The following L3MBTL4 variants were observed in gnomAD, a reference collection of about 807,000 sequenced individuals.
The protein encoded by L3MBTL4 is lethal(3)malignant brain tumor-like protein 4.
Under a neutral mutation model 84.5 loss-of-function variants are expected in L3MBTL4, and 70 were observed. That is an observed-to-expected ratio of 0.83 (90% CI 0.68 to 1.01). L3MBTL4 has a LOEUF of 1.01. L3MBTL4 is among the 50% of genes least tolerant of loss of function. The pLI is 0.00. For synonymous variants in L3MBTL4, 274 were observed against 259.8 expected, an observed-to-expected ratio of 1.05 and a Z score of -0.52; for missense variants, 715 against 754.8, an observed-to-expected ratio of 0.95 and a Z score of 0.62.
At chr18:6,107,626 G>A (rs2059054095) in intron 14 of L3MBTL4, among the ~76,000 whole-genome samples, 1 of 152,162 alleles carries the variant, frequency 6.6e-6, no homozygotes, top group South Asian at 2.1e-4. Flanking sequence ...GATAAAGATG[G>A]GAGGGCAGAG....
chr18:6,079,037 T>G (rs559428056), intron 16 of L3MBTL4, among the ~76,000 whole-genome samples: 19 of 152,310 alleles, frequency 1.2e-4, no homozygotes, highest in African/African-American at 3.6e-4. Flanking sequence ...CAGGTGGTAA[T>G]GTGAGCAATG....
intron 12 of L3MBTL4, among the ~76,000 whole-genome samples, chr18:6,183,695 A>C (rs2044589184): frequency 1.3e-5 from 2 of 152,248 alleles, no homozygotes. Context: ...TTGGTTATAC[A>C]GAGAGAGGAT....
chr18:5,969,745 C>T (rs1200104083), intron 16 of L3MBTL4, among the ~76,000 whole-genome samples, 183 bp from the exon 17 acceptor site: 1 of 152,196 alleles, frequency 6.6e-6, no homozygotes, highest in Non-Finnish European at 1.5e-5. Context: ...TGTTTTTGAG[C>T]AGTGGTCATA....
intron 14 of L3MBTL4, among the ~76,000 whole-genome samples, chr18:6,131,041 G>A (rs2059861138): frequency 6.6e-6 from 1 of 152,122 alleles, no homozygotes; most frequent in African/African-American, 2.4e-5. Context: ...ATCAAAGTGA[G>A]GTAGTATTTT....
chr18:6,193,441 C>A (rs1212418227), intron 12 of L3MBTL4, among the ~76,000 whole-genome samples: 1 of 152,196 alleles, frequency 6.6e-6, no homozygotes, highest in African/African-American at 2.4e-5. Context: ...GTACAAATCT[C>A]TCACCTCCAG....
intron 12 of L3MBTL4, among the ~76,000 whole-genome samples, chr18:6,183,705 T>C (rs1168064542): frequency 1.3e-5 from 2 of 152,226 alleles, no homozygotes; most frequent in African/African-American, 4.8e-5. Context: ...AGAGAGAGGA[T>C]ATTGTCCAAA....
intron 17 of L3MBTL4, among the ~76,000 whole-genome samples, chr18:5,965,677 A>G (rs1159434403): frequency 6.6e-6 from 1 of 152,198 alleles, no homozygotes; most frequent in Non-Finnish European, 1.5e-5. Flanking sequence ...AAACACAGCA[A>G]TCACAAAGCC....
intron 14 of L3MBTL4, among the ~76,000 whole-genome samples, chr18:6,097,843 C>G (rs1284839487): frequency 2.6e-5 from 4 of 152,150 alleles, no homozygotes; most frequent in Non-Finnish European, 5.9e-5. Flanking sequence ...TTGTTTTTGC[C>G]ATCCCCTTCC....
intron 5 of L3MBTL4, among the ~76,000 whole-genome samples, chr18:6,245,377 A>G (rs555218635): frequency 6.6e-6 from 1 of 151,896 alleles, no homozygotes; most frequent in Admixed American, 6.6e-5. Flanking sequence ...CCTTTTGCCC[A>G]TTTTTCCTTC....
At chr18:6,098,422 C>T (rs1422765602) in intron 14 of L3MBTL4, among the ~76,000 whole-genome samples, 6 of 152,126 alleles carry the variant, frequency 3.9e-5, no homozygotes, top group African/African-American at 9.7e-5. Context: ...TTCTCTGTGA[C>T]GTGACATTTA....
chr18:6,194,705 C>A (rs1441244736), intron 12 of L3MBTL4, among the ~76,000 whole-genome samples: 1 of 152,156 alleles, frequency 6.6e-6, no homozygotes, highest in Non-Finnish European at 1.5e-5. Flanking sequence ...GAAGCCAGCC[C>A]CCAGCACTCC....
intron 5 of L3MBTL4, among the ~76,000 whole-genome samples, chr18:6,253,410 C>G (rs6506368): frequency 0.087 from 13,209 of 152,156 alleles, 1,859 homozygotes; most frequent in African/African-American, 0.29. Context: ...GCCTTGACAA[C>G]TGATAATGAG....
intron 1 of L3MBTL4, among the ~76,000 whole-genome samples, chr18:6,404,744 TG>T (rs143326045): frequency 0.16 from 23,918 of 152,192 alleles, 1,907 homozygotes; most frequent in African/African-American, 0.17. Context: ...TGGAGTGAAG[TG>T]GCTCAAACAC....
chr18:6,123,797 G>T (rs1419354265), intron 14 of L3MBTL4, among the ~76,000 whole-genome samples: 1 of 152,182 alleles, frequency 6.6e-6, no homozygotes, highest in African/African-American at 2.4e-5. Flanking sequence ...CTACTACCTG[G>T]CATTACAACA....
At chr18:6,267,006 T>C (rs1181919202) in intron 4 of L3MBTL4, among the ~76,000 whole-genome samples, 1 of 151,930 alleles carries the variant, frequency 6.6e-6, no homozygotes, top group Non-Finnish European at 1.5e-5. Context: ...TGCAGGAAAA[T>C]GTTACGTGGA....
intron 14 of L3MBTL4, among the ~76,000 whole-genome samples, chr18:6,123,101 G>A (rs1225394883): frequency 6.6e-6 from 1 of 152,072 alleles, no homozygotes; most frequent in African/African-American, 2.4e-5. Flanking sequence ...TAGGAAAGGG[G>A]GTTATTCTAA....
intron 1 of L3MBTL4, among the ~76,000 whole-genome samples, chr18:6,358,884 G>A (rs1463439835): frequency 6.6e-6 from 1 of 152,200 alleles, no homozygotes; most frequent in East Asian, 1.9e-4. Flanking sequence ...GGGACCAAGT[G>A]GAGAACTTGC....
rs148626655 is a variant in L3MBTL4, at chr18:5,987,449, G to A, written c.1445-17887C>T. 2.5e-3 allele frequency among the ~76,000 whole-genome samples: 383 copies of A among 152,330 alleles called. 1 individual carries two copies. Among genetic ancestry groups the A allele is most frequent in the African/African-American group, 8.8e-3 (365 of 41,574 alleles). On this transcript the variant is annotated intron_variant, in intron 16 of 18. Transcript: ENST00000317931. Reference sequence around the variant, plus strand: ...AAACCCCACACAGACCCGTGGCCACGTGTGGATGCACTCAACAGGAGCCAG... The same window carrying A: ...AAACCCCACACAGACCCGTGGCCACATGTGGATGCACTCAACAGGAGCCAG...
At chr18:5,969,339 T>G in intron 17 of L3MBTL4, 54 bp downstream of exon 17, 1 of 1,599,442 alleles carries the variant, frequency 6.3e-7, no homozygotes, top group Non-Finnish European at 8.6e-7. Flanking sequence ...ACCTTCCGCC[T>G]ATTTCTCAGC....
Sources: gnomAD v4.1 joint callset for allele counts (sites outside exome capture counted in the v4.1 genomes callset) on GRCh38, gnomAD v4.1.1 for gene constraint, MANE v1.5 for transcripts, NCBI Gene and HGNC (gene_info 2026-07-23, HGNC 2026-07-21) for gene names.